Variants in CNOT2 observed in about 807,000 individuals in gnomAD.
The protein encoded by CNOT2 is CCR4-NOT transcription complex subunit 2, also known as CC chemokine receptor 4-negative regulator of transcription 2.
A neutral mutation model predicts 72.1 loss-of-function variants in CNOT2; 7 were observed. That is an observed-to-expected ratio of 0.10 (90% CI 0.06 to 0.18). CNOT2 has a LOEUF of 0.18. Ranked by LOEUF, CNOT2 falls within the 10% of genes least tolerant of loss-of-function variation. The probability of loss-of-function intolerance (pLI) is 1.00; values close to 1 mark genes in which losing one functional copy is unlikely to be tolerated. For missense variants in CNOT2, 345 were observed against 660.3 expected (o/e 0.52, Z 5.23); for synonymous variants, 196 against 225.6 (o/e 0.87, Z 1.17).
rs1327395512 is a variant in CNOT2 at position 70,332,696 on chromosome 12, C to T, written c.570-71C>T. On this transcript the variant is annotated intron_variant, in intron 6 of 15. Transcript: ENST00000229195. ...ATTTTATATGGAGACCAAAAATACA[C>T]ACTTCTGTTTTTCTTCATCTGAAAG... 2.7e-6 allele frequency: 4 copies of T among 1,465,916 alleles called. No homozygotes were observed. The East Asian group carries it at 1.0e-4, about 37-fold the overall frequency. The allele number at this position is 1,465,916 out of a possible 1,614,324, so 90.8% of individuals were successfully genotyped here. A position where few individuals can be genotyped will look rare whatever the true frequency, so the allele number is the denominator to read the frequency against.
intron 4 of CNOT2, chr12:70,323,623 T>C (rs1255233725): frequency 6.6e-6 from 1 of 151,748 alleles, no homozygotes; most frequent in Non-Finnish European, 1.5e-5. Flanking sequence ...GGGAATAACA[T>C]CCACAGCATG....
At position 70,343,952 on chromosome 12, in the gene CNOT2, G is replaced by C. The variant is rs1881836637; in HGVS notation, c.1291-176G>C. On this transcript the variant is annotated intron_variant, in intron 13 of 15. Coordinates refer to ENST00000229195, the MANE Select transcript of CNOT2 (RefSeq NM_014515.7). ...TAAATGACTTCAGTCATTTAAATGA[G>C]GAAATTCCCTTTTAGAATCTTAACT... 1.3e-5 allele frequency: 6 copies of C among 446,496 alleles called. No individual in the cohort carries two copies. The South Asian group carries it at 2.1e-4, about 16-fold the overall frequency. The allele number at this position is 446,496 out of a possible 1,614,324, so 27.7% of individuals were successfully genotyped here.
At chr12:70,270,055 G>A (rs1959185286) in intron 1 of CNOT2, among the ~76,000 whole-genome samples, 1 of 152,104 alleles carries the variant, frequency 6.6e-6, no homozygotes, top group Non-Finnish European at 1.5e-5. Context: ...CAAACACAGA[G>A]TTTTATTTAC....
chr12:70,262,934 A>T (rs201334766), intron 1 of CNOT2, among the ~76,000 whole-genome samples: 31,468 of 151,890 alleles, frequency 0.21, 3,578 homozygotes, highest in African/African-American at 0.3. Context: ...CGGCCTCTCA[A>T]AGTACTGAGA....
intron 2 of CNOT2, among the ~76,000 whole-genome samples, chr12:70,304,020 C>G (rs1218566389): frequency 6.6e-6 from 1 of 152,196 alleles, no homozygotes; most frequent in Non-Finnish European, 1.5e-5. Flanking sequence ...CTTGTGCATT[C>G]GTCACGTTCT....
intron 15 of CNOT2, among the ~76,000 whole-genome samples, chr12:70,352,821 A>G (rs895603738): frequency 2.0e-5 from 3 of 152,118 alleles, no homozygotes; most frequent in African/African-American, 7.2e-5. Context: ...AGTATCATGA[A>G]GAAATTATGT....
intron 2 of CNOT2, chr12:70,297,986 C>G (rs1384646294): frequency 6.1e-6 from 1 of 162,908 alleles, no homozygotes; most frequent in Non-Finnish European, 1.4e-5. Context: ...ATCCACCCAC[C>G]TCAACCTCTG....
At chr12:70,278,357 C>A in intron 2 of CNOT2, 83 bp downstream of exon 2, 2 of 1,035,986 alleles carry the variant, frequency 1.9e-6, no homozygotes, top group East Asian at 2.5e-5. Context: ...GTAATTGGAA[C>A]CAGCAAATTG....
At chr12:70,334,032 T>C (rs534965892) in intron 7 of CNOT2, among the ~76,000 whole-genome samples, 2 of 152,090 alleles carry the variant, frequency 1.3e-5, no homozygotes, top group African/African-American at 4.8e-5. Flanking sequence ...CTAAGCATAT[T>C]TTATGCTAGG....
At chr12:70,343,936 T>G in intron 13 of CNOT2, 192 bp from the exon 14 acceptor site, 1 of 449,758 alleles carries the variant, frequency 2.2e-6, no homozygotes, top group East Asian at 3.5e-5. Context: ...TTAAATGACT[T>G]CAGTCATTTA....
intron 1 of CNOT2, among the ~76,000 whole-genome samples, chr12:70,253,696 AG>A (rs1046884415): frequency 6.6e-6 from 1 of 152,168 alleles, no homozygotes; most frequent in African/African-American, 2.4e-5. Flanking sequence ...AGATAATGAA[AG>A]AAAAAGTGTT....
intron 2 of CNOT2, among the ~76,000 whole-genome samples, chr12:70,280,597 A>G (rs1031885679): frequency 6.6e-6 from 1 of 152,168 alleles, no homozygotes; most frequent in African/African-American, 2.4e-5. Context: ...GAACATTCTG[A>G]TAATAGGCTA....
Position 70,315,156 on chromosome 12 carries a change from G to A in CNOT2, c.171+4139G>A, listed in dbSNP as rs552453975. On this transcript the variant is annotated intron_variant, in intron 3 of 15. Coordinates refer to ENST00000229195, the MANE Select transcript of CNOT2 (RefSeq NM_014515.7). ...TGGGATTACAGGTGTGAGCCACCGT[G>A]CCTGGCCTTGTTCTTTTTAATGTAT... 5.9e-5 allele frequency among the ~76,000 whole-genome samples: 9 copies of A among 152,192 alleles called. No homozygotes were observed. In the South Asian group the frequency reaches 1.9e-3, roughly 32 times the overall value.
intron 1 of CNOT2, among the ~76,000 whole-genome samples, chr12:70,260,928 A>G (rs1454231332): frequency 6.7e-6 from 1 of 149,432 alleles, no homozygotes; most frequent in African/African-American, 2.5e-5. Flanking sequence ...AATTCTGTTT[A>G]GTGGACAACC....
chr12:70,273,712 A>G (rs977826250), intron 1 of CNOT2, among the ~76,000 whole-genome samples: 1 of 152,120 alleles, frequency 6.6e-6, no homozygotes, highest in African/African-American at 2.4e-5. Flanking sequence ...TATTCACTTC[A>G]TTTGAAACTT....
Position 70,286,335 on chromosome 12 carries a change from G to C in CNOT2, c.48+8061G>C, listed in dbSNP as rs1292257401. Among the ~76,000 whole-genome samples the C allele has an allele frequency of 1.4e-5, 2 of 142,880 alleles. 1 individual carries two copies. The highest frequency in any genetic ancestry group is 5.1e-5 in the African/African-American group (2 of 39,050). 93.7% of individuals were successfully genotyped at this position (142,880 alleles called of 152,430 possible). A position where few individuals can be genotyped will look rare whatever the true frequency, so the allele number is the denominator to read the frequency against. The stretch of plus-strand genomic sequence containing the variant: ...TTAAAATTTTTTTCCATCTATTGAG[G>C]TTGTGTTTGAGATATATTGAGATAT... On this transcript the variant is annotated intron_variant, in intron 2 of 15. Coordinates refer to ENST00000229195, the MANE Select transcript of CNOT2 (RefSeq NM_014515.7).
intron 4 of CNOT2, among the ~76,000 whole-genome samples, chr12:70,321,315 G>T (rs1453062996): frequency 2.0e-5 from 3 of 151,820 alleles, no homozygotes; most frequent in East Asian, 1.9e-4. Flanking sequence ...GAAAAAGAAA[G>T]AGTCTAGGTT....
chr12:70,300,106 G>T (rs1342526648), intron 2 of CNOT2, among the ~76,000 whole-genome samples: 2 of 152,174 alleles, frequency 1.3e-5, no homozygotes, highest in African/African-American at 4.8e-5. Flanking sequence ...GTTCATTGTA[G>T]ATTCTGGATA....
intron 2 of CNOT2, among the ~76,000 whole-genome samples, chr12:70,293,248 C>A (rs1342534068): frequency 6.6e-6 from 1 of 151,628 alleles, no homozygotes; most frequent in Non-Finnish European, 1.5e-5. Context: ...GCACCCTCTA[C>A]CTCCTGGGTT....
Sources: allele counts gnomAD v4.1 joint callset (sites outside exome capture counted in the v4.1 genomes callset), GRCh38; gene constraint gnomAD v4.1.1; transcripts MANE v1.5; gene names NCBI Gene and HGNC (gene_info 2026-07-23, HGNC 2026-07-21).